RPTOR: variants seen among roughly 807,000 people sequenced by gnomAD.
RPTOR encodes regulatory-associated protein of mTOR.
In RPTOR, 21 loss-of-function variants were observed where a neutral mutation model predicts 169.9. That is an observed-to-expected ratio of 0.12 (90% CI 0.09 to 0.18). The LOEUF (loss-of-function observed/expected upper bound fraction) is 0.18. RPTOR is among the 10% of genes least tolerant of loss of function. The probability of loss-of-function intolerance (pLI) is 1.00; values close to 1 mark genes in which losing one functional copy is unlikely to be tolerated. For missense variants in RPTOR, 1,133 were observed against 1,855.9 expected (o/e 0.61, Z 7.16); for synonymous variants, 732 against 753.2 (o/e 0.97, Z 0.46).
At chr17:80,782,416 A>T (rs529285929) in intron 6 of RPTOR, among the ~76,000 whole-genome samples, 1 of 152,098 alleles carries the variant, frequency 6.6e-6, no homozygotes, top group Non-Finnish European at 1.5e-5. Flanking sequence ...TTTTTAAAGA[A>T]CTGAGTTTTA....
chr17:80,961,005 T>A, intron 30 of RPTOR: 1 of 226,182 alleles, frequency 4.4e-6, no homozygotes, highest in Non-Finnish European at 8.7e-6. Context: ...TTCCTGACCC[T>A]CCAGTCTGCA....
chr17:80,703,258 G>A (rs749575879), intron 3 of RPTOR, among the ~76,000 whole-genome samples: 28 of 152,182 alleles, frequency 1.8e-4, no homozygotes, highest in Non-Finnish European at 3.1e-4. Flanking sequence ...TTGCCTCGCC[G>A]TCTGGCAAGC....
At chr17:80,640,978 C>T (rs180703077) in intron 2 of RPTOR, among the ~76,000 whole-genome samples, 21 of 152,356 alleles carry the variant, frequency 1.4e-4, no homozygotes, top group Non-Finnish European at 3.1e-4. Flanking sequence ...CAGCCCTGTG[C>T]GTTTACTTTG....
Position 80,860,322 on chromosome 17 carries a change from G to A in RPTOR, c.1509+2422G>A, listed in dbSNP as rs1181979236. Among the ~76,000 whole-genome samples the A allele has an allele frequency of 2.0e-5, 3 of 152,198 alleles. No homozygotes were observed. Among genetic ancestry groups the A allele is most frequent in the Non-Finnish European group, 2.9e-5 (2 of 68,030 alleles). On this transcript the variant is annotated intron_variant, in intron 13 of 33. Coordinates refer to ENST00000306801, the MANE Select transcript of RPTOR (RefSeq NM_020761.3). The surrounding 1 kb of genome is among the most constrained non-coding windows in gnomAD (Gnocchi z 5.8). ...TTGTCCAGGCACTGGCAGGCACCCC[G>A]AGCCACAGGCTCGTACCCCGCACTG... is the stretch of plus-strand genomic sequence containing the variant.
chr17:80,556,464 T>C (rs1204256039), intron 1 of RPTOR, among the ~76,000 whole-genome samples: 1 of 152,058 alleles, frequency 6.6e-6, no homozygotes, highest in Non-Finnish European at 1.5e-5. Flanking sequence ...TAGTAAGCTA[T>C]GATTGTGCTG....
chr17:80,884,620 C>G (rs771316333), intron 16 of RPTOR, among the ~76,000 whole-genome samples: 1 of 152,172 alleles, frequency 6.6e-6, no homozygotes, highest in South Asian at 2.1e-4. Flanking sequence ...CACTTCAGGG[C>G]CCCCATGCCC....
chr17:80,935,370 G>C (rs960027572), intron 24 of RPTOR, among the ~76,000 whole-genome samples: 4 of 152,032 alleles, frequency 2.6e-5, no homozygotes, highest in Non-Finnish European at 4.4e-5. Context: ...TAAAATTTAT[G>C]GGGAAAAGGA....
At chr17:80,706,486 A>G (rs2066143163) in intron 3 of RPTOR, among the ~76,000 whole-genome samples, 1 of 152,170 alleles carries the variant, frequency 6.6e-6, no homozygotes, top group South Asian at 2.1e-4. Context: ...GCACAGTTTT[A>G]CTAAAATAAA....
rs1329344960 is a variant in RPTOR at position 80,651,415 on chromosome 17, A to G, written c.348+7605A>G. Among the ~76,000 whole-genome samples, 1 of 152,144 alleles carries G rather than the reference A, an allele frequency of 6.6e-6. No homozygotes were observed. Among genetic ancestry groups the G allele is most frequent in the Non-Finnish European group, 1.5e-5 (1 of 68,032 alleles). On this transcript the variant is annotated intron_variant, in intron 3 of 33. Transcript: ENST00000306801. The surrounding 1 kb of genome is among the most constrained non-coding windows in gnomAD (Gnocchi z 4.1). The stretch of plus-strand genomic sequence containing the variant: ...CAAAGTGTCTGCGGTACTTGATTTC[A>G]TTTTGCAGGGGAAACCATATGTCAC...
intron 13 of RPTOR, among the ~76,000 whole-genome samples, chr17:80,862,746 G>T (rs1264945278): frequency 6.6e-6 from 1 of 150,994 alleles, no homozygotes; most frequent in East Asian, 1.9e-4. Flanking sequence ...AGTGCCTCCT[G>T]CAGCCCTCAG....
chr17:80,883,061 C>T (rs1163617690), intron 14 of RPTOR, among the ~76,000 whole-genome samples: 2 of 152,164 alleles, frequency 1.3e-5, no homozygotes, highest in African/African-American at 2.4e-5. Flanking sequence ...ATTGCAGGAC[C>T]GTGTGCTCAC....
chr17:80,822,141 C>A, intron 7 of RPTOR, 60 bp from the exon 8 acceptor site: 1 of 1,534,994 alleles, frequency 6.5e-7, no homozygotes, highest in Non-Finnish European at 9.0e-7. Context: ...TGCAACCTCT[C>A]TTCCATTCCC....
At position 80,579,845 on chromosome 17, in the gene RPTOR, G is replaced by A. The variant is rs117346011; in HGVS notation, c.162+34054G>A. Among the ~76,000 whole-genome samples the A allele has an allele frequency of 2.5e-3, 376 of 152,312 alleles. 1 individual carries two copies. Among genetic ancestry groups the A allele is most frequent in the Admixed American group, 4.9e-3 (75 of 15,298 alleles). Reference sequence around the variant, plus strand: ...AGCGCAGGTCTTTTTGAAGTTCTGAGATGAACTTCTCCTCCTCTTTATACT... The same window carrying A: ...AGCGCAGGTCTTTTTGAAGTTCTGAAATGAACTTCTCCTCCTCTTTATACT... On this transcript the variant is annotated intron_variant, in intron 1 of 33. Transcript: ENST00000306801.
intron 3 of RPTOR, among the ~76,000 whole-genome samples, chr17:80,694,714 G>T (rs1451638192): frequency 6.6e-6 from 1 of 152,222 alleles, no homozygotes; most frequent in African/African-American, 2.4e-5. Context: ...TGTGGTATTG[G>T]TCGGAGTTGC....
intron 24 of RPTOR, among the ~76,000 whole-genome samples, chr17:80,927,693 A>ATG (rs1567991842): frequency 1.4e-5 from 2 of 143,412 alleles, no homozygotes; most frequent in African/African-American, 5.2e-5. Context: ...GTATCTCTGT[A>ATG]TGTGTGTATG....
rs976220771 is a variant in RPTOR at position 80,695,223 on chromosome 17, G to A, written c.349-12618G>A. Among the ~76,000 whole-genome samples the A allele has an allele frequency of 1.3e-5, 2 of 152,184 alleles. No individual in the cohort carries two copies. The highest frequency in any genetic ancestry group is 2.9e-5 in the Non-Finnish European group (2 of 68,040). ...GAGGCTGCCCCGACCCGTGCTGTGC[G>A]GGTCACTCACCCCCACATTGTCTGC... is the stretch of plus-strand genomic sequence containing the variant. On this transcript the variant is annotated intron_variant, in intron 3 of 33. Coordinates refer to ENST00000306801, the MANE Select transcript of RPTOR (RefSeq NM_020761.3). The surrounding 1 kb of genome is among the most constrained non-coding windows in gnomAD (Gnocchi z 4.9).
Position 80,965,254 on chromosome 17 carries a change from A to AC in RPTOR, c.*926dup, listed in dbSNP as rs1355034736. Reference sequence around the variant, plus strand: ...ATGTGCAGATGGCACCACGGCCGGCACCTGGGGGCACACACATGCAGGCGG... The same window carrying AC: ...ATGTGCAGATGGCACCACGGCCGGCACCCTGGGGGCACACACATGCAGGCGG... On this transcript the variant is annotated 3_prime_UTR_variant, in exon 34 of 34. Transcript: ENST00000306801. 1.3e-5 allele frequency: 3 copies of AC among 233,218 alleles called. No individual in the cohort carries two copies. Among genetic ancestry groups the AC allele is most frequent in the Non-Finnish European group, 2.5e-5 (3 of 118,088 alleles). 14.4% of individuals were successfully genotyped at this position (233,218 alleles called of 1,614,324 possible).
chr17:80,844,774 C>G lies in RPTOR; in HGVS notation c.1213-1699C>G, dbSNP rs1019077363. ...CGCACGGAGGCACCCTGTCCTGCTCCTGGCGTTCGCCTGTCCACATGTGTC... is the reference window on the plus strand; with the variant it reads ...CGCACGGAGGCACCCTGTCCTGCTCGTGGCGTTCGCCTGTCCACATGTGTC... On this transcript the variant is annotated intron_variant, in intron 10 of 33. Transcript: ENST00000306801. The surrounding 1 kb of genome is among the most constrained non-coding windows in gnomAD (Gnocchi z 4.7). Among the ~76,000 whole-genome samples, 1 of 152,216 alleles carries G rather than the reference C, an allele frequency of 6.6e-6. No individual in the cohort carries two copies. Among genetic ancestry groups the G allele is most frequent in the Non-Finnish European group, 1.5e-5 (1 of 68,040 alleles).
At chr17:80,831,604 C>T (rs1268691495) in intron 9 of RPTOR, among the ~76,000 whole-genome samples, 1 of 152,226 alleles carries the variant, frequency 6.6e-6, no homozygotes, top group Non-Finnish European at 1.5e-5. Context: ...CCCGCCGAGG[C>T]TCTGGAGGCA....
Sources: allele counts gnomAD v4.1 joint callset (sites outside exome capture counted in the v4.1 genomes callset), GRCh38; gene constraint gnomAD v4.1.1; non-coding constraint Gnocchi (gnomAD v3.1); transcripts MANE v1.5; gene names NCBI Gene and HGNC (gene_info 2026-07-23, HGNC 2026-07-21).